BCL7C: variants seen among roughly 807,000 people sequenced by gnomAD.
BCL7C encodes the protein BAF chromatin remodeling complex subunit BCL7C.
A neutral mutation model predicts 26.2 loss-of-function variants in BCL7C; 8 were observed. The observed-to-expected ratio is 0.30, with a 90% CI of 0.18 to 0.55. The LOEUF (loss-of-function observed/expected upper bound fraction) is 0.55, where lower values mean the gene tolerates loss of function less well. Ranked by LOEUF, BCL7C falls within the 20% of genes least tolerant of loss-of-function variation. The pLI, the probability that BCL7C is intolerant of heterozygous loss-of-function variation, is 0.93. For synonymous variants in BCL7C, 90 were observed against 116.5 expected, an observed-to-expected ratio of 0.77 and a Z score of 1.47; for missense variants, 262 against 298.5, an observed-to-expected ratio of 0.88 and a Z score of 0.90.
chr16:30,883,452 GCGAGCCTCCCGCC>G (rs1168199062), downstream of BCL7C, among the ~76,000 whole-genome samples: 2 of 150,102 alleles, frequency 1.3e-5, no homozygotes, highest in African/African-American at 4.9e-5. Flanking sequence ...CTGGGCTCAA[GCGAGCCTCCCGCC>G]TCAGCCTCCC....
chr16:30,878,399 TG>T (rs2054987042), intron 5 of BCL7C, among the ~76,000 whole-genome samples: 2 of 48,278 alleles, frequency 4.1e-5, no homozygotes, highest in Non-Finnish European at 1.9e-4. Context: ...ATTAGCTGGG[TG>T]TGGTGGCACG....
intron 5 of BCL7C, among the ~76,000 whole-genome samples, chr16:30,846,143 A>G (rs2054633770): frequency 6.7e-6 from 1 of 149,270 alleles, no homozygotes; most frequent in African/African-American, 2.5e-5. Flanking sequence ...CTTCAGCCTC[A>G]GCCTCCTCAG....
At chr16:30,874,185 A>G (rs2054911763) in intron 5 of BCL7C, among the ~76,000 whole-genome samples, 1 of 151,832 alleles carries the variant, frequency 6.6e-6, no homozygotes, top group Non-Finnish European at 1.5e-5. Context: ...TAGTAGAGAC[A>G]GGGTTTCACC....
chr16:30,845,317 G>A (rs887502391), intron 5 of BCL7C, among the ~76,000 whole-genome samples: 3 of 152,186 alleles, frequency 2.0e-5, no homozygotes, highest in Non-Finnish European at 2.9e-5. Context: ...GGCTTTCTCT[G>A]CCACTTGGTT....
downstream of BCL7C, among the ~76,000 whole-genome samples, chr16:30,885,570 A>C (rs1446243644): frequency 1.3e-5 from 2 of 152,032 alleles, no homozygotes; most frequent in African/African-American, 2.4e-5. Context: ...TGCCCAGCCA[A>C]CTTTTGTATT....
In BCL7C at chr16:30,880,426, G is replaced by A. The variant is rs528052600; in HGVS notation, c.528+8434C>T. ...TTAAAAAAGTCAGAACAGGCTGGGC[G>A]CGGTGGCTCATGCCTGTAATCCCAG... On this transcript the variant is annotated intron_variant, in intron 5 of 5. Coordinates refer to the BCL7C transcript ENST00000380317. Among the ~76,000 whole-genome samples the A allele has an allele frequency of 1.5e-4, 22 of 151,444 alleles. No individual in the cohort carries two copies. The East Asian group carries it at 2.5e-3, about 17-fold the overall frequency.
rs368417320 is a variant in BCL7C, at chr16:30,893,544, G to C, written c.93-254C>G. Among the ~76,000 whole-genome samples, 48 of 152,242 alleles carry C rather than the reference G, an allele frequency of 3.2e-4. 2 individuals carry two copies. Among genetic ancestry groups the C allele is most frequent in the African/African-American group, 1.1e-3 (47 of 41,540 alleles). ...CCCCTGGGGCACACATGGGGGGCGT[G>C]GCTATGGGCCTGGCCCGGGATCAGA... On this transcript the variant is annotated intron_variant, in intron 1 of 5. Coordinates refer to ENST00000215115, the MANE Select transcript of BCL7C (RefSeq NM_004765.4). The surrounding 1 kb of genome is among the most constrained non-coding windows in gnomAD (Gnocchi z 5.2).
intron 5 of BCL7C, among the ~76,000 whole-genome samples, chr16:30,860,569 A>G (rs2054762437): frequency 6.6e-6 from 1 of 152,208 alleles, no homozygotes; most frequent in African/African-American, 2.4e-5. Flanking sequence ...CTTGACCCCA[A>G]TACAAACTCG....
intron 5 of BCL7C, among the ~76,000 whole-genome samples, chr16:30,878,526 G>C (rs750045298): frequency 3.5e-4 from 52 of 150,072 alleles, no homozygotes; most frequent in Non-Finnish European, 6.2e-4. Context: ...GCGACAGAGC[G>C]AGACTCTATT....
intron 5 of BCL7C, among the ~76,000 whole-genome samples, chr16:30,879,282 A>G (rs2055002528): frequency 6.6e-6 from 1 of 152,106 alleles, no homozygotes; most frequent in African/African-American, 2.4e-5. Flanking sequence ...CAGACTTCGC[A>G]TTCTAGAAAT....
At chr16:30,851,752 C>CT (rs2054676837) in intron 5 of BCL7C, 14 of 510,750 alleles carry the variant, frequency 2.7e-5, no homozygotes, top group South Asian at 7.2e-5. Context: ...TGACCGTGAC[C>CT]TTTTTTTGGT....
intron 5 of BCL7C, chr16:30,876,105 C>A (rs2054945381): frequency 6.6e-6 from 1 of 152,312 alleles, no homozygotes; most frequent in Non-Finnish European, 1.5e-5. Context: ...CAGGCAAATG[C>A]AAGAGGACAG....
intron 5 of BCL7C, among the ~76,000 whole-genome samples, chr16:30,840,444 C>T (rs2054595175): frequency 6.6e-6 from 1 of 152,128 alleles, no homozygotes; most frequent in African/African-American, 2.4e-5. Flanking sequence ...TCTCAAACTC[C>T]TGACCTCAAG....
intron 5 of BCL7C, among the ~76,000 whole-genome samples, chr16:30,846,928 G>C (rs1015964274): frequency 1.3e-5 from 2 of 152,242 alleles, no homozygotes; most frequent in Admixed American, 6.5e-5. Flanking sequence ...AACCCAAATG[G>C]CTGCTATTCT....
intron 5 of BCL7C, among the ~76,000 whole-genome samples, chr16:30,880,473 G>C (rs1313440861): frequency 6.6e-6 from 1 of 151,370 alleles, no homozygotes; most frequent in East Asian, 1.9e-4. Context: ...GCTGAGGTGA[G>C]CGGATCACGA....
chr16:30,845,714 CT>C lies in BCL7C; in HGVS notation c.529-10567del, dbSNP rs755178158. On this transcript the variant is annotated intron_variant, in intron 5 of 5. Transcript: ENST00000380317. ...TCTGCCACCTCTGTATTTCTGCATT[CT>C]TTTTTTTTTTTTCTTTTTATTGAGA... 4.8e-3 allele frequency among the ~76,000 whole-genome samples: 705 copies of C among 145,704 alleles called. 1 individual carries two copies. Among genetic ancestry groups the C allele is most frequent in the African/African-American group, 5.2e-3 (207 of 40,076 alleles).
chr16:30,882,588 A>G (rs1323691540), intron 5 of BCL7C, among the ~76,000 whole-genome samples: 1 of 152,170 alleles, frequency 6.6e-6, no homozygotes, highest in African/African-American at 2.4e-5. Flanking sequence ...GGGGTGAGAG[A>G]TGGCAGCAGG....
chr16:30,838,656 A>T (rs2054583944), intron 5 of BCL7C, among the ~76,000 whole-genome samples: 1 of 152,206 alleles, frequency 6.6e-6, no homozygotes, highest in African/African-American at 2.4e-5. Flanking sequence ...GATTGGTGGC[A>T]GTCACCTGTA....
intron 5 of BCL7C, among the ~76,000 whole-genome samples, chr16:30,869,458 G>C (rs1452555956): frequency 1.3e-5 from 2 of 149,410 alleles, no homozygotes; most frequent in Admixed American, 6.7e-5. Flanking sequence ...TCCTGCCTCT[G>C]CCTCCCAAAG....
Sources: gnomAD v4.1 joint callset for allele counts (sites outside exome capture counted in the v4.1 genomes callset) on GRCh38, gnomAD v4.1.1 for gene constraint, Gnocchi (gnomAD v3.1) non-coding constraint, MANE v1.5 for transcripts, NCBI Gene and HGNC (gene_info 2026-07-23, HGNC 2026-07-21) for gene names.